PTPN9: variants seen among roughly 807,000 people sequenced by gnomAD.
The protein encoded by PTPN9 is protein tyrosine phosphatase non-receptor type 9, also known as tyrosine-protein phosphatase non-receptor type 9.
A neutral mutation model predicts 69.8 loss-of-function variants in PTPN9; 26 were observed. The observed-to-expected ratio is 0.37, with a 90% CI of 0.27 to 0.52. PTPN9 has a LOEUF of 0.52. Ranked by LOEUF, PTPN9 falls within the 20% of genes least tolerant of loss-of-function variation. The pLI is 0.91. For synonymous variants in PTPN9, 274 were observed against 272.5 expected (o/e 1.01, Z -0.05); for missense variants, 549 against 740.3 (o/e 0.74, Z 3.00).
chr15:75,521,289 C>CAAA (rs75296706), intron 4 of PTPN9, among the ~76,000 whole-genome samples: 1 of 91,326 alleles, frequency 1.1e-5, no homozygotes, highest in Non-Finnish European at 2.6e-5. Context: ...ACTAAAAATA[C>CAAA]AAAAAAAAAA....
chr15:75,534,271 A>C (rs1363118934), intron 1 of PTPN9, among the ~76,000 whole-genome samples: 2 of 152,188 alleles, frequency 1.3e-5, no homozygotes, highest in Admixed American at 1.3e-4. Context: ...AACTTCTTTC[A>C]ACAAAGATAG....
In PTPN9 at chr15:75,473,699, T is replaced by C; in HGVS notation, c.1198A>G (p.Met400Val). 1 of 1,570,056 alleles carries C rather than the reference T, an allele frequency of 6.4e-7. No individual in the cohort carries two copies. Residue 400 changes from methionine (M) to valine (V), a missense_variant, in exon 10 of 13, where the codon ATG becomes GTG. Transcript: ENST00000618819. ...AAGGGATTAACTCACCGGGTGGTCA[T>C]GACAATCACCAAGACTTTTTGCTCC... The part of the protein sequence containing the change: ...VWEQKVLVIV[M>V]TTRFEEGGRR...
At position 75,467,682 on chromosome 15, in the gene PTPN9, T is replaced by G. The variant is rs2074542555; in HGVS notation, c.*1087A>C. The stretch of plus-strand genomic sequence containing the variant: ...AGGTATTTTCTTAGTGGTTTTTTCT[T>G]TCTCATACCTGGGCTCCCCCTCCTT... On this transcript the variant is annotated 3_prime_UTR_variant, in exon 13 of 13. Coordinates refer to ENST00000618819, the MANE Select transcript of PTPN9 (RefSeq NM_002833.4). 1 of 152,580 alleles carries G rather than the reference T, an allele frequency of 6.6e-6. No homozygotes were observed. The highest frequency in any genetic ancestry group is 2.4e-5 in the African/African-American group (1 of 41,428). 9.5% of individuals were successfully genotyped at this position (152,580 alleles called of 1,614,324 possible).
intron 7 of PTPN9, 40 bp downstream of exon 7, chr15:75,505,615 GCCAGAGCCTACCAGAAGCAT>G: frequency 7.4e-7 from 1 of 1,356,040 alleles, no homozygotes; most frequent in Middle Eastern, 2.6e-4. Context: ...AGGAGCTGTT[GCCAGAGCCTACCAGAAGCAT>G]CCTGGTAACC....
chr15:75,522,940 C>A (rs755806690), intron 4 of PTPN9, among the ~76,000 whole-genome samples, 181 bp downstream of exon 4: 1 of 152,176 alleles, frequency 6.6e-6, no homozygotes, highest in Non-Finnish European at 1.5e-5. Flanking sequence ...AGAACGCCCA[C>A]CATCTTGATA....
In PTPN9 at chr15:75,493,229, A is replaced by G. The variant is rs148442780; in HGVS notation, c.969-2928T>C. Among the ~76,000 whole-genome samples, 27 of 152,242 alleles carry G rather than the reference A, an allele frequency of 1.8e-4. 1 individual carries two copies. In the East Asian group the frequency reaches 5.0e-3, roughly 28 times the overall value. ...TGGGGGCTACAGAAGTTTAAAAAAA[A>G]AGATAGTCAATAAGAGAAAAGTAAC... On this transcript the variant is annotated intron_variant, in intron 7 of 12. Coordinates refer to ENST00000618819, the MANE Select transcript of PTPN9 (RefSeq NM_002833.4).
chr15:75,547,675 T>C (rs921910579), intron 1 of PTPN9, among the ~76,000 whole-genome samples: 4 of 151,968 alleles, frequency 2.6e-5, no homozygotes, highest in Admixed American at 6.6e-5. Flanking sequence ...GTTCTTTTTT[T>C]TTTTTTTTGA....
In PTPN9 at chr15:75,465,966, C is replaced by G. The variant is rs566409316; in HGVS notation, c.*2803G>C. 90 of 152,314 alleles carry G rather than the reference C, an allele frequency of 5.9e-4. No homozygotes were observed. The highest frequency in any genetic ancestry group is 2.2e-3 in the African/African-American group (90 of 41,562). 9.4% of individuals were successfully genotyped at this position (152,314 alleles called of 1,614,324 possible). A position where few individuals can be genotyped will look rare whatever the true frequency, so the allele number is the denominator to read the frequency against. The stretch of plus-strand genomic sequence containing the variant: ...TTCACTTCTTATGTTTGTGCACTCC[C>G]AAGAGAATGGAGGCTCATCTGGAGA... On this transcript the variant is annotated 3_prime_UTR_variant, in exon 13 of 13. Transcript: ENST00000618819.
intron 1 of PTPN9, among the ~76,000 whole-genome samples, chr15:75,562,505 A>T (rs2141341514): frequency 6.6e-6 from 1 of 152,268 alleles, no homozygotes; most frequent in Non-Finnish European, 1.5e-5. Context: ...GCTTCTACTG[A>T]AAGCCTCTGA....
At chr15:75,506,409 C>A (rs1186151224) in intron 6 of PTPN9, among the ~76,000 whole-genome samples, 2 of 152,112 alleles carry the variant, frequency 1.3e-5, no homozygotes, top group African/African-American at 4.8e-5. Flanking sequence ...AATTCTAAGG[C>A]CTGTTAGCTT....
rs1278479222 is a variant in PTPN9 at position 75,465,948 on chromosome 15, C to G, written c.*2821G>C. 4.6e-5 allele frequency: 7 copies of G among 152,214 alleles called. No homozygotes were observed. Among genetic ancestry groups the G allele is most frequent in the Non-Finnish European group, 1.0e-4 (7 of 68,038 alleles). The allele number at this position is 152,214 out of a possible 1,614,324, so 9.4% of individuals were successfully genotyped here. On this transcript the variant is annotated 3_prime_UTR_variant, in exon 13 of 13. Coordinates refer to ENST00000618819, the MANE Select transcript of PTPN9 (RefSeq NM_002833.4). ...GATTTCCAAGAATCTCTGTTCACTT[C>G]TTATGTTTGTGCACTCCCAAGAGAA...
At chr15:75,513,121 AC>A (rs1436730579) in intron 5 of PTPN9, 1 of 381,314 alleles carries the variant, frequency 2.6e-6, no homozygotes, top group Non-Finnish European at 5.1e-6. Flanking sequence ...TGCAGCAGGT[AC>A]CCCCAGACAG....
intron 8 of PTPN9, chr15:75,487,293 T>C (rs971305375): frequency 1.3e-5 from 2 of 151,854 alleles, no homozygotes; most frequent in Admixed American, 6.6e-5. Context: ...AATAATTTTT[T>C]TTTTTTTGCT....
rs1173445195 is a variant in PTPN9, at chr15:75,505,603, G to A, written c.968+72C>T. 4.3e-6 allele frequency: 5 copies of A among 1,158,744 alleles called. No individual in the cohort carries two copies. The African/African-American group carries it at 4.6e-5, about 11-fold the overall frequency. 71.8% of individuals were successfully genotyped at this position (1,158,744 alleles called of 1,614,324 possible). On this transcript the variant is annotated intron_variant, in intron 7 of 12. Transcript: ENST00000618819. ...GTCTCTGCTAAGCAAGTGAGGGGTG[G>A]AAGGAGCTGTTGCCAGAGCCTACCA...
intron 1 of PTPN9, among the ~76,000 whole-genome samples, chr15:75,552,431 A>G (rs2075060437): frequency 6.6e-6 from 1 of 151,930 alleles, no homozygotes; most frequent in East Asian, 1.9e-4. Flanking sequence ...AAAACAAAAC[A>G]AAAAAACAGT....
At chr15:75,503,817 C>A (rs1430490779) in intron 7 of PTPN9, among the ~76,000 whole-genome samples, 15 of 115,696 alleles carry the variant, frequency 1.3e-4, no homozygotes, top group East Asian at 3.0e-4. Context: ...GGGGGTCAGC[C>A]CCCCGCCCGG....
At chr15:75,563,050 C>T (rs1245656349) in intron 1 of PTPN9, among the ~76,000 whole-genome samples, 2 of 152,030 alleles carry the variant, frequency 1.3e-5, no homozygotes, top group East Asian at 3.9e-4. Flanking sequence ...AAGCATAGTA[C>T]ACAATAGACA....
chr15:75,573,130 G>C (rs770811183), intron 1 of PTPN9, among the ~76,000 whole-genome samples: 1 of 152,200 alleles, frequency 6.6e-6, no homozygotes, highest in Non-Finnish European at 1.5e-5. Context: ...GGCAGTGAAG[G>C]CAGAAAACCT....
chr15:75,481,765 C>T (rs1489342480), intron 8 of PTPN9, among the ~76,000 whole-genome samples: 15 of 92,528 alleles, frequency 1.6e-4, no homozygotes, highest in Admixed American at 2.3e-4. Context: ...TGCCTCTGCC[C>T]GGCCGCCCCT....
Sources: allele counts gnomAD v4.1 joint callset (sites outside exome capture counted in the v4.1 genomes callset), GRCh38; gene constraint gnomAD v4.1.1; transcripts MANE v1.5; gene names NCBI Gene and HGNC (gene_info 2026-07-23, HGNC 2026-07-21).